TRRAP: variants seen among roughly 807,000 people sequenced by gnomAD.
The protein encoded by TRRAP is transformation/transcription domain associated protein, also known as transformation/transcription domain-associated protein.
In TRRAP, 41 loss-of-function variants were observed where a neutral mutation model predicts 438.8. The observed-to-expected ratio is 0.09, with a 90% CI of 0.07 to 0.12. The LOEUF is 0.12. TRRAP is among the 10% of genes least tolerant of loss of function. The pLI is 1.00. For synonymous variants in TRRAP, 1,994 were observed against 1,962.9 expected, an observed-to-expected ratio of 1.02 and a Z score of -0.42; for missense variants, 3,122 against 5,055.1, an observed-to-expected ratio of 0.62 and a Z score of 11.60.
chr7:98,881,586 A>AG (rs1795438024), intron 2 of TRRAP: 2 of 263,062 alleles, frequency 7.6e-6, no homozygotes, highest in African/African-American at 4.5e-5. Flanking sequence ...AAAAAAAAAA[A>AG]AGAGAAATGC....
chr7:98,956,084 CGTGCATGCACTGTGGGACCAA>C lies in TRRAP; in HGVS notation c.5938-60_5938-40del. The C allele has an allele frequency of 1.3e-6, 2 of 1,552,346 alleles. No individual in the cohort carries two copies. Among genetic ancestry groups the C allele is most frequent in the South Asian group, 2.4e-5 (2 of 84,176 alleles). On this transcript the variant is annotated intron_variant, in intron 41 of 72. Transcript: ENST00000456197. This position sits in a 1 kb window ranked among gnomAD's most constrained non-coding sequence, Gnocchi z 4.5. Reference sequence around the variant, plus strand: ...GGGTGTGTGTGTGCACGTGCGCACACGTGCATGCACTGTGGGACCAAGCTCCCATGTTCCGGCGTGATGCTG... The same window carrying C: ...GGGTGTGTGTGTGCACGTGCGCACACGCTCCCATGTTCCGGCGTGATGCTG...
chr7:98,927,064 A>G, intron 22 of TRRAP, 103 bp from the exon 23 acceptor site: 1 of 1,282,310 alleles, frequency 7.8e-7, no homozygotes. Context: ...GCCTGTCTGA[A>G]TAAGAGGGAA....
Position 98,983,434 on chromosome 7 carries a change from C to T in TRRAP, c.8997C>T (p.Phe2999=), listed in dbSNP as rs868586354. Reference sequence around the variant, plus strand: ...ACTTGTCCCACTGGAGCAGCATCTTCATGTGGAGGCAGCATCATTACCAGG... The same window carrying T: ...ACTTGTCCCACTGGAGCAGCATCTTTATGTGGAGGCAGCATCATTACCAGG... ...SDDLSHWSSI[F]MWRQHHYQAI... Residue 2999 remains phenylalanine (F), a synonymous_variant, in exon 60 of 73, where the codon TTC becomes TTT. Coordinates refer to ENST00000456197, the MANE Select transcript of TRRAP (RefSeq NM_001375524.1). 2 of 1,614,202 alleles carry T rather than the reference C, an allele frequency of 1.2e-6. No homozygotes were observed. The highest frequency in any genetic ancestry group is 1.7e-6 in the Non-Finnish European group (2 of 1,180,034).
intron 2 of TRRAP, chr7:98,881,703 A>C (rs1360895354): frequency 3.8e-5 from 15 of 398,990 alleles, no homozygotes; most frequent in African/African-American, 2.9e-4. Context: ...AGAGAAGCAA[A>C]GTGATGAGTA....
chr7:98,978,687 C>T (rs949250580), intron 57 of TRRAP, 82 bp from the exon 58 acceptor site: 13 of 1,582,386 alleles, frequency 8.2e-6, no homozygotes, highest in Non-Finnish European at 1.1e-5. Context: ...GAAATTTGCT[C>T]CTTAAAACCC....
chr7:98,900,962 CT>C (rs1396816252), intron 11 of TRRAP, among the ~76,000 whole-genome samples: 1 of 152,200 alleles, frequency 6.6e-6, no homozygotes, highest in Non-Finnish European at 1.5e-5. Flanking sequence ...TAGTTTTGTC[CT>C]TTCTAGAATG....
At chr7:98,918,547 G>C (rs1358011658) in intron 20 of TRRAP, among the ~76,000 whole-genome samples, 1 of 151,862 alleles carries the variant, frequency 6.6e-6, no homozygotes, top group Admixed American at 6.6e-5. Context: ...TTCTTAATAA[G>C]TTGATGACTG....
At position 98,899,730 on chromosome 7, in the gene TRRAP, A is replaced by G. The variant is rs1554406340; in HGVS notation, c.763A>G (p.Met255Val). 1.2e-6 allele frequency: 2 copies of G among 1,614,216 alleles called. No homozygotes were observed. Among genetic ancestry groups the G allele is most frequent in the South Asian group, 2.2e-5 (2 of 91,080 alleles). The change falls in exon 10 of 73, where the codon ATG (methionine) becomes GTG (valine). Residue 255 changes from methionine (M) to valine (V), a missense_variant. Coordinates refer to ENST00000456197, the MANE Select transcript of TRRAP (RefSeq NM_001375524.1). ...TGTTGCTGAGTTTGTGCCCTTGATC[A>G]TGAACACCATTGCCATTCAGGTGTC... ...NVVAEFVPLI[M>V]NTIAIQVSAQ...
intron 7 of TRRAP, among the ~76,000 whole-genome samples, chr7:98,896,967 G>T (rs1796239195): frequency 6.6e-6 from 1 of 152,000 alleles, no homozygotes; most frequent in African/African-American, 2.4e-5. Flanking sequence ...AGGGGCAGTG[G>T]CTCACCCCTG....
At chr7:98,905,870 C>T (rs1796704092) in intron 12 of TRRAP, among the ~76,000 whole-genome samples, 1 of 152,150 alleles carries the variant, frequency 6.6e-6, no homozygotes, top group Non-Finnish European at 1.5e-5. Context: ...GTGGGATGTG[C>T]CCACAGTTAA....
chr7:98,967,294 G>T, intron 50 of TRRAP, 132 bp downstream of exon 50: 1 of 1,364,232 alleles, frequency 7.3e-7, no homozygotes, highest in South Asian at 1.4e-5. Flanking sequence ...ATGCTAAATT[G>T]TGTGACCTAC....
chr7:98,976,423 A>G lies in TRRAP; in HGVS notation c.7960-60A>G. 1.3e-6 allele frequency: 2 copies of G among 1,579,880 alleles called. No individual in the cohort carries two copies. Among genetic ancestry groups the G allele is most frequent in the South Asian group, 1.1e-5 (1 of 87,732 alleles). On this transcript the variant is annotated intron_variant, in intron 54 of 72. Coordinates refer to ENST00000456197, the MANE Select transcript of TRRAP (RefSeq NM_001375524.1). This position sits in a 1 kb window ranked among gnomAD's most constrained non-coding sequence, Gnocchi z 4.6. ...AGGAAAGGTATTCTTGCATCGAGAG[A>G]GACAGCAAGACTTGCCGATTTTTGA...
rs1215518526 is a variant in TRRAP at position 98,948,014 on chromosome 7, G to T, written c.4549-207G>T. Among the ~76,000 whole-genome samples the T allele has an allele frequency of 6.6e-6, 1 of 152,188 alleles. No individual in the cohort carries two copies. The highest frequency in any genetic ancestry group is 3.2e-3 in the Middle Eastern group (1 of 316). On this transcript the variant is annotated intron_variant, in intron 33 of 72. Transcript: ENST00000456197. The surrounding 1 kb of genome is among the most constrained non-coding windows in gnomAD (Gnocchi z 4.9). ...CCACACCCCTACAATGGACAGGAAT[G>T]CTGAAGGCCACGGGCAGTCAGTTTC...
At chr7:98,927,557 T>C (rs1790110217) in intron 23 of TRRAP, among the ~76,000 whole-genome samples, 191 bp downstream of exon 23, 1 of 152,218 alleles carries the variant, frequency 6.6e-6, no homozygotes, top group Admixed American at 6.5e-5. Context: ...TATATCAGCT[T>C]GAAAGTTACT....
chr7:98,979,714 C>T (rs187182744), intron 58 of TRRAP, among the ~76,000 whole-genome samples: 3 of 152,196 alleles, frequency 2.0e-5, no homozygotes, highest in East Asian at 1.9e-4. Context: ...CACATGGTCC[C>T]GAGGTCTCAC....
chr7:98,937,179 C>G lies in TRRAP; in HGVS notation c.4135C>G (p.Leu1379Val). ...ALNALAACNY[L>V]PQSREKIIAA... ...AGATGCACTTGCTGCCTGCAATTAC[C>G]TTCCTCAGTCCAGGGAGAAAATCAT... The change falls in exon 29 of 73, where the codon CTT (leucine) becomes GTT (valine). Residue 1379 changes from leucine to valine, a missense_variant. Physicochemically the swap from Leu to Val is conservative, Grantham distance 32. This residue lies in a region of TRRAP where 84 missense variants were observed against 119.8 expected (regional missense o/e 0.70). Coordinates refer to ENST00000456197, the MANE Select transcript of TRRAP (RefSeq NM_001375524.1). 1 of 1,611,346 alleles carries G rather than the reference C, an allele frequency of 6.2e-7. No homozygotes were observed. The highest frequency in any genetic ancestry group is 8.5e-7 in the Non-Finnish European group (1 of 1,178,826).
chr7:99,004,216 A>G lies in TRRAP; in HGVS notation c.10336A>G (p.Met3446Val). Residue 3446 changes from methionine to valine, a missense_variant, in exon 68 of 73, where the codon ATG becomes GTG. Physicochemically the swap from Met to Val is conservative, Grantham distance 21. This residue lies in a region of TRRAP where 107 missense variants were observed against 327.5 expected (regional missense o/e 0.33). Coordinates refer to ENST00000456197, the MANE Select transcript of TRRAP (RefSeq NM_001375524.1). ...TTTTGACTTCAGCGTTCCAGGATCC[A>G]TGAAGCTTCATAATCTTATTTCTAA... ...TDFDFSVPGS[M>V]KLHNLISKLK... The G allele has an allele frequency of 6.2e-7, 1 of 1,612,724 alleles. No individual in the cohort carries two copies. Among genetic ancestry groups the G allele is most frequent in the Non-Finnish European group, 8.5e-7 (1 of 1,179,758 alleles).
At chr7:98,966,419 T>C (rs1361547606) in intron 49 of TRRAP, among the ~76,000 whole-genome samples, 1 of 152,108 alleles carries the variant, frequency 6.6e-6, no homozygotes, top group Non-Finnish European at 1.5e-5. Context: ...AAATGAAGAC[T>C]CACTCCTGTC....
intron 62 of TRRAP, among the ~76,000 whole-genome samples, chr7:98,986,276 T>C (rs1446663928): frequency 6.6e-6 from 1 of 152,236 alleles, no homozygotes; most frequent in African/African-American, 2.4e-5. Flanking sequence ...TGTGAGCATG[T>C]TTGAGTTCTC....
Sources: allele counts gnomAD v4.1 joint callset (sites outside exome capture counted in the v4.1 genomes callset), GRCh38; gene constraint gnomAD v4.1.1; regional missense constraint gnomAD v4.1.1; non-coding constraint Gnocchi (gnomAD v3.1); transcripts MANE v1.5; gene names NCBI Gene and HGNC (gene_info 2026-07-23, HGNC 2026-07-21).